Variants in LYRM7 observed in about 807,000 individuals in gnomAD.
LYRM7 encodes LYR motif containing 7.
A neutral mutation model predicts 15.8 loss-of-function variants in LYRM7; 9 were observed. That is an observed-to-expected ratio of 0.57 (90% CI 0.34 to 0.99). The LOEUF is 0.99. LYRM7 is among the 50% of genes least tolerant of loss of function. The pLI is 0.02. For missense variants in LYRM7, 115 were observed against 119.1 expected, an observed-to-expected ratio of 0.97 and a Z score of 0.16; for synonymous variants, 39 against 39.4, an observed-to-expected ratio of 0.99 and a Z score of 0.04.
rs1756148427 is a variant in LYRM7, at chr5:131,204,822, T to C, written c.*5221T>C. 6.6e-6 allele frequency: 1 copy of C among 152,138 alleles called. No individual in the cohort carries two copies. The highest frequency in any genetic ancestry group is 1.5e-5 in the Non-Finnish European group (1 of 68,000). 9.4% of individuals were successfully genotyped at this position (152,138 alleles called of 1,614,324 possible). ...AAAACTTTTTGTGTACATATTTGCA[T>C]ATATATGTACAAATGGGTAGAAACG... On this transcript the variant is annotated 3_prime_UTR_variant, in exon 5 of 5. Coordinates refer to ENST00000379380, the MANE Select transcript of LYRM7 (RefSeq NM_181705.4).
chr5:131,198,013 G>A (rs1179469850), intron 4 of LYRM7, among the ~76,000 whole-genome samples: 4 of 151,986 alleles, frequency 2.6e-5, no homozygotes, highest in Non-Finnish European at 5.9e-5. Context: ...TACCATATTT[G>A]CCTTATTGTG....
chr5:131,199,511 CTTT>C lies in LYRM7; in HGVS notation c.245-10_245-8del, dbSNP rs532211793. 5.1e-5 allele frequency: 61 copies of C among 1,207,636 alleles called. No individual in the cohort carries two copies. Among genetic ancestry groups the C allele is most frequent in the South Asian group, 1.3e-4 (8 of 63,884 alleles). The allele number at this position is 1,207,636 out of a possible 1,614,324, so 74.8% of individuals were successfully genotyped here. ...TAATTTTAGTGATGTTAATTATTCTCTTTTTTTTTTTTCTTTCAGAACTGGTCC... is the reference window on the plus strand; with the variant it reads ...TAATTTTAGTGATGTTAATTATTCTCTTTTTTTTTCTTTCAGAACTGGTCC... On this transcript the variant is annotated splice_polypyrimidine_tract_variant and intron_variant, in intron 4 of 4. Transcript: ENST00000379380.
At chr5:131,179,175 G>A (rs968500243) in intron 1 of LYRM7, among the ~76,000 whole-genome samples, 1 of 151,998 alleles carries the variant, frequency 6.6e-6, no homozygotes, top group African/African-American at 2.4e-5. Flanking sequence ...TTTTTAGCAT[G>A]AGGATTATTA....
At position 131,199,576 on chromosome 5, in the gene LYRM7, G is replaced by A. The variant is rs772212804; in HGVS notation, c.290G>A (p.Cys97Tyr). Residue 97 changes from cysteine to tyrosine, a missense_variant, in exon 5 of 5, where the codon TGT becomes TAT. Cys to Tyr is a radical substitution (Grantham distance 194). Transcript: ENST00000379380. The part of the protein sequence containing the change: ...KDLLVENVPY[C>Y]DAPTQKQ ...CTTCTTGTAGAAAATGTGCCATATT[G>A]TGATGCACCAACTCAGAAGCAATGA... 1.2e-6 allele frequency: 2 copies of A among 1,600,814 alleles called. No individual in the cohort carries two copies. Among genetic ancestry groups the A allele is most frequent in the South Asian group, 2.3e-5 (2 of 88,522 alleles).
In LYRM7 at chr5:131,202,400, A is replaced by G. The variant is rs1756086936; in HGVS notation, c.*2799A>G. On this transcript the variant is annotated 3_prime_UTR_variant, in exon 5 of 5. Coordinates refer to ENST00000379380, the MANE Select transcript of LYRM7 (RefSeq NM_181705.4). Reference sequence around the variant, plus strand: ...TCCCAGCTAGTCAGGAGGCTGAGGCAGGAGAATTACTTGAGCCAGGGAAGC... The same window carrying G: ...TCCCAGCTAGTCAGGAGGCTGAGGCGGGAGAATTACTTGAGCCAGGGAAGC... 3 of 152,268 alleles carry G rather than the reference A, an allele frequency of 2.0e-5. No individual in the cohort carries two copies. 9.4% of individuals were successfully genotyped at this position (152,268 alleles called of 1,614,324 possible).
chr5:131,192,671 A>G (rs954535446), intron 4 of LYRM7, among the ~76,000 whole-genome samples: 1 of 152,194 alleles, frequency 6.6e-6, no homozygotes, highest in East Asian at 1.9e-4. Context: ...TAAAATCTTT[A>G]AAAAATATTT....
intron 4 of LYRM7, among the ~76,000 whole-genome samples, chr5:131,197,318 C>G (rs868394244): frequency 6.6e-6 from 1 of 152,124 alleles, no homozygotes; most frequent in Admixed American, 6.5e-5. Context: ...TTAAAATGCA[C>G]ACTACAATTT....
intron 4 of LYRM7, among the ~76,000 whole-genome samples, chr5:131,194,787 G>C (rs540384620): frequency 6.6e-6 from 1 of 152,234 alleles, no homozygotes; most frequent in South Asian, 2.1e-4. Context: ...GCCTATTTCT[G>C]TGGTATGGCT....
chr5:131,187,360 A>T (rs112359117), intron 4 of LYRM7, among the ~76,000 whole-genome samples: 9 of 152,094 alleles, frequency 5.9e-5, no homozygotes, highest in Non-Finnish European at 1.3e-4. Flanking sequence ...AGACAGTACA[A>T]CTATATATTT....
chr5:131,184,993 A>G (rs1021364475), intron 3 of LYRM7, among the ~76,000 whole-genome samples: 1 of 152,146 alleles, frequency 6.6e-6, no homozygotes, highest in Non-Finnish European at 1.5e-5. Flanking sequence ...TTAAATATCA[A>G]AATATTAATA....
intron 3 of LYRM7, among the ~76,000 whole-genome samples, chr5:131,185,924 T>C (rs182884990): frequency 2.0e-3 from 305 of 152,362 alleles, no homozygotes; most frequent in African/African-American, 7.1e-3. Context: ...ATACTGTCAG[T>C]TGTTTTCTTT....
chr5:131,185,017 A>G (rs145008675), intron 3 of LYRM7, among the ~76,000 whole-genome samples: 255 of 152,184 alleles, frequency 1.7e-3, no homozygotes, highest in Middle Eastern at 0.014. Context: ...ACAGAACTCA[A>G]CTACTTCTTA....
In LYRM7 at chr5:131,171,049, C is replaced by A; in HGVS notation, c.18+11C>A. 1.3e-6 allele frequency: 2 copies of A among 1,527,448 alleles called. No homozygotes were observed. Among genetic ancestry groups the A allele is most frequent in the Admixed American group, 2.5e-5 (1 of 40,444 alleles). The allele number at this position is 1,527,448 out of a possible 1,614,324, so 94.6% of individuals were successfully genotyped here. Reference sequence around the variant, plus strand: ...GGACGGGCAGTCAAGGTGACAGGGCCCGGGAAGGGGTGGGTACGATGCCGT... The same window carrying A: ...GGACGGGCAGTCAAGGTGACAGGGCACGGGAAGGGGTGGGTACGATGCCGT... On this transcript the variant is annotated intron_variant, in intron 1 of 4. Transcript: ENST00000379380.
At position 131,181,460 on chromosome 5, in the gene LYRM7, T is replaced by C. The variant is rs1025068913; in HGVS notation, c.92-769T>C. 3.0e-5 allele frequency among the ~76,000 whole-genome samples: 4 copies of C among 131,610 alleles called. 1 individual carries two copies. The highest frequency in any genetic ancestry group is 7.4e-3 in the Middle Eastern group (2 of 272). The allele number at this position is 131,610 out of a possible 152,430, so 86.3% of individuals were successfully genotyped here. A position where few individuals can be genotyped will look rare whatever the true frequency, so the allele number is the denominator to read the frequency against. Reference sequence around the variant, plus strand: ...TATATGTATATATATATAAAACATATATATGTATATATATATAACATATAT... The same window carrying C: ...TATATGTATATATATATAAAACATACATATGTATATATATATAACATATAT... On this transcript the variant is annotated intron_variant, in intron 2 of 4. Transcript: ENST00000379380.
Position 131,180,176 on chromosome 5 carries a change from G to T in LYRM7, c.91+9G>T, listed in dbSNP as rs1755668654. The stretch of plus-strand genomic sequence containing the variant: ...TGCCAGAGCATTAGAAGGTAAGTAT[G>T]TTCTTTACCCCTTTGGAGCCAGTCT... On this transcript the variant is annotated intron_variant, in intron 2 of 4. Coordinates refer to ENST00000379380, the MANE Select transcript of LYRM7 (RefSeq NM_181705.4). The T allele has an allele frequency of 6.3e-7, 1 of 1,592,382 alleles. No individual in the cohort carries two copies. The highest frequency in any genetic ancestry group is 1.3e-5 in the African/African-American group (1 of 74,472).
At chr5:131,179,965 G>A (rs760160286) in intron 1 of LYRM7, 130 bp from the exon 2 acceptor site, 2 of 612,122 alleles carry the variant, frequency 3.3e-6, no homozygotes, top group Non-Finnish European at 5.7e-6. Flanking sequence ...GTAGAGATGG[G>A]GGTCTCACCA....
chr5:131,186,077 C>T (rs1009041679), intron 3 of LYRM7, among the ~76,000 whole-genome samples: 1 of 152,186 alleles, frequency 6.6e-6, no homozygotes, highest in Admixed American at 6.5e-5. Context: ...ACAACTCAAA[C>T]CATGCAGAAG....
At chr5:131,183,028 T>C (rs1288148292) in intron 3 of LYRM7, among the ~76,000 whole-genome samples, 1 of 152,130 alleles carries the variant, frequency 6.6e-6, no homozygotes, top group Non-Finnish European at 1.5e-5. Context: ...CAAGAATTGA[T>C]ATGGTTCCAA....
chr5:131,180,588 T>A (rs1755675313), intron 2 of LYRM7, among the ~76,000 whole-genome samples: 1 of 152,192 alleles, frequency 6.6e-6, no homozygotes, highest in African/African-American at 2.4e-5. Flanking sequence ...CTCCCTGTTT[T>A]AAGTAGTTTC....
Sources: gnomAD v4.1 joint callset for allele counts (sites outside exome capture counted in the v4.1 genomes callset) on GRCh38, gnomAD v4.1.1 for gene constraint, MANE v1.5 for transcripts, NCBI Gene and HGNC (gene_info 2026-07-23, HGNC 2026-07-21) for gene names.